Variants in SYT17 observed in about 807,000 individuals in gnomAD.
SYT17 encodes synaptotagmin 17, also known as synaptotagmin-17.
A neutral mutation model predicts 46.7 loss-of-function variants in SYT17; 22 were observed. That is an observed-to-expected ratio of 0.47 (90% confidence interval 0.34 to 0.67). The LOEUF (loss-of-function observed/expected upper bound fraction) is 0.67, where lower values mean the gene tolerates loss of function less well. Ranked by LOEUF, SYT17 falls within the 30% of genes least tolerant of loss-of-function variation. The pLI, the probability that SYT17 is intolerant of heterozygous loss-of-function variation, is 0.01. For missense variants in SYT17, 519 were observed against 612.8 expected (o/e 0.85, Z 1.62); for synonymous variants, 251 against 248.4 (o/e 1.01, Z -0.10).
At chr16:19,194,652 G>C (rs1197571944) in intron 5 of SYT17, among the ~76,000 whole-genome samples, 52 of 152,192 alleles carry the variant, frequency 3.4e-4, no homozygotes, top group Admixed American at 3.4e-3. Flanking sequence ...CTGGAGTGCA[G>C]GGGTGCGATC....
intron 5 of SYT17, among the ~76,000 whole-genome samples, chr16:19,195,140 G>A (rs1965183591): frequency 6.6e-6 from 1 of 152,142 alleles, no homozygotes; most frequent in African/African-American, 2.4e-5. Context: ...AGTGATGGTG[G>A]CAAGCTCTCA....
rs1223153991 is a variant in SYT17 at position 19,180,602 on chromosome 16, G to A, written c.331+63G>A. On this transcript the variant is annotated intron_variant, in intron 4 of 7. Coordinates refer to ENST00000355377, the MANE Select transcript of SYT17 (RefSeq NM_016524.4). ...TGGCTTTCCCAGACACTCTCCCACGGAGAGTCATGAAGGGCAGTGTTATTG... is the reference window on the plus strand; with the variant it reads ...TGGCTTTCCCAGACACTCTCCCACGAAGAGTCATGAAGGGCAGTGTTATTG... 3.1e-6 allele frequency: 5 copies of A among 1,600,196 alleles called. 1 individual carries two copies. The highest frequency in any genetic ancestry group is 2.2e-5 in the South Asian group (2 of 90,288).
At chr16:19,200,599 G>A (rs1965422426) in intron 5 of SYT17, among the ~76,000 whole-genome samples, 1 of 152,180 alleles carries the variant, frequency 6.6e-6, no homozygotes, top group Non-Finnish European at 1.5e-5. Flanking sequence ...ATGGACTGAG[G>A]TCACTCCCTC....
chr16:19,197,201 C>T (rs35094680), intron 5 of SYT17, among the ~76,000 whole-genome samples: 22 of 152,220 alleles, frequency 1.4e-4, no homozygotes, highest in Non-Finnish European at 2.6e-4. Context: ...TTCTGATGAA[C>T]AGCAGTGTTT....
At chr16:19,184,626 C>T (rs1159044190) in intron 5 of SYT17, among the ~76,000 whole-genome samples, 1 of 151,838 alleles carries the variant, frequency 6.6e-6, no homozygotes, top group Non-Finnish European at 1.5e-5. Flanking sequence ...GATCTCCTGA[C>T]CTCAAGATTT....
intron 7 of SYT17, among the ~76,000 whole-genome samples, chr16:19,251,214 AC>A (rs1968039860): frequency 6.6e-6 from 1 of 152,044 alleles, no homozygotes; most frequent in African/African-American, 2.4e-5. Context: ...AGGAGTTGCA[AC>A]TCACTCATAA....
At chr16:19,239,506 T>C (rs377128409) in intron 7 of SYT17, among the ~76,000 whole-genome samples, 46 of 152,284 alleles carry the variant, frequency 3.0e-4, no homozygotes, top group African/African-American at 1.0e-3. Context: ...AGCCTCTATT[T>C]TTCTTCTATC....
chr16:19,223,577 T>C (rs1966400640), intron 6 of SYT17, among the ~76,000 whole-genome samples: 2 of 152,242 alleles, frequency 1.3e-5, no homozygotes, highest in Admixed American at 1.3e-4. Context: ...AAAGTGTGTA[T>C]ATTATAGCAA....
chr16:19,207,483 G>A (rs192379445), intron 5 of SYT17, among the ~76,000 whole-genome samples: 227 of 152,136 alleles, frequency 1.5e-3, no homozygotes, highest in Non-Finnish European at 2.4e-3. Flanking sequence ...TGGAAGGCAA[G>A]GGGGGGAAAG....
rs229019 is a variant in SYT17, at chr16:19,211,725, A to G, written c.952-11320A>G. Among the ~76,000 whole-genome samples, 162 of 151,576 alleles carry G rather than the reference A, an allele frequency of 1.1e-3. 1 individual carries two copies. Among genetic ancestry groups the G allele is most frequent in the Non-Finnish European group, 1.6e-3 (111 of 67,932 alleles). On this transcript the variant is annotated intron_variant, in intron 5 of 7. Transcript: ENST00000355377. Reference sequence around the variant, plus strand: ...AAGCTCCGCTCCACCTCCCGGGTTCACGGCATTCCCCTGCCTCAGCCTCCC... The same window carrying G: ...AAGCTCCGCTCCACCTCCCGGGTTCGCGGCATTCCCCTGCCTCAGCCTCCC...
chr16:19,266,405 G>A (rs762840369), intron 7 of SYT17, among the ~76,000 whole-genome samples: 1 of 152,212 alleles, frequency 6.6e-6, no homozygotes, highest in Admixed American at 6.5e-5. Flanking sequence ...GGACAGTTAC[G>A]GCAAAGGATT....
chr16:19,224,425 G>A (rs1180473622), intron 6 of SYT17, among the ~76,000 whole-genome samples: 1 of 152,114 alleles, frequency 6.6e-6, no homozygotes, highest in African/African-American at 2.4e-5. Flanking sequence ...ATGAGAAATT[G>A]GATGGATAGA....
intron 5 of SYT17, among the ~76,000 whole-genome samples, chr16:19,214,131 C>G (rs1966004238): frequency 6.6e-6 from 1 of 152,042 alleles, no homozygotes; most frequent in African/African-American, 2.4e-5. Flanking sequence ...GCCAAATGTC[C>G]CTGGAGGTGG....
intron 7 of SYT17, among the ~76,000 whole-genome samples, chr16:19,230,365 C>A (rs2142901316): frequency 6.6e-6 from 1 of 151,780 alleles, no homozygotes; most frequent in Middle Eastern, 3.4e-3. Flanking sequence ...CGAGATCACG[C>A]CATTGCACTC....
At chr16:19,194,264 A>G (rs1285223744) in intron 5 of SYT17, among the ~76,000 whole-genome samples, 1 of 152,170 alleles carries the variant, frequency 6.6e-6, no homozygotes, top group Non-Finnish European at 1.5e-5. Context: ...GATGACAAAG[A>G]AAATCTATAG....
At chr16:19,252,735 AC>A (rs1254973460) in intron 7 of SYT17, among the ~76,000 whole-genome samples, 1 of 150,552 alleles carries the variant, frequency 6.6e-6, no homozygotes, top group Non-Finnish European at 1.5e-5. Context: ...TGAATCTCAA[AC>A]CCGGCTACAC....
intron 3 of SYT17, among the ~76,000 whole-genome samples, chr16:19,179,112 C>G (rs780579921): frequency 3.3e-5 from 5 of 151,922 alleles, no homozygotes; most frequent in Non-Finnish European, 7.4e-5. Context: ...ACTACGCAAC[C>G]AAGCACTGTT....
At chr16:19,170,660 G>T (rs983088802) in intron 1 of SYT17, 4 of 152,128 alleles carry the variant, frequency 2.6e-5, no homozygotes, top group Non-Finnish European at 5.9e-5. Context: ...AGGTGACCTT[G>T]TCTCTGTTCA....
chr16:19,256,620 C>T (rs1034273674), intron 7 of SYT17, among the ~76,000 whole-genome samples: 4 of 151,592 alleles, frequency 2.6e-5, no homozygotes, highest in Non-Finnish European at 5.9e-5. Flanking sequence ...ACTCTTTCGA[C>T]CAGGCTGGAG....
Sources: allele counts gnomAD v4.1 joint callset (sites outside exome capture counted in the v4.1 genomes callset), GRCh38; gene constraint gnomAD v4.1.1; transcripts MANE v1.5; gene names NCBI Gene and HGNC (gene_info 2026-07-23, HGNC 2026-07-21).